Variants in GRIN2A observed in about 807,000 individuals in gnomAD.
GRIN2A encodes the protein glutamate ionotropic receptor NMDA type subunit 2A, also known as glutamate receptor ionotropic, NMDA 2A.
In GRIN2A, 22 loss-of-function variants were observed where a neutral mutation model predicts 113.4. The ratio of observed to expected loss-of-function variants is 0.19; its 90% confidence interval spans 0.14 to 0.28. The LOEUF is 0.28. Ranked by LOEUF, GRIN2A falls within the 10% of genes least tolerant of loss-of-function variation. The pLI, the probability that GRIN2A is intolerant of heterozygous loss-of-function variation, is 1.00. For synonymous variants in GRIN2A, 827 were observed against 738.4 expected, an observed-to-expected ratio of 1.12 and a Z score of -1.94; for missense variants, 1,502 against 1,887.0, an observed-to-expected ratio of 0.80 and a Z score of 3.78.
intron 2 of GRIN2A, among the ~76,000 whole-genome samples, chr16:9,944,233 T>C (rs2044961536): frequency 6.6e-6 from 1 of 152,250 alleles, no homozygotes; most frequent in Non-Finnish European, 1.5e-5. Flanking sequence ...TGATGTGCTT[T>C]CTGTTACTCT....
At chr16:9,934,694 A>AAT (rs2044671590) in intron 3 of GRIN2A, among the ~76,000 whole-genome samples, 2 of 150,580 alleles carry the variant, frequency 1.3e-5, no homozygotes, top group African/African-American at 4.9e-5. Context: ...AAAAAAAAAA[A>AAT]AAAAAAAAAA....
At chr16:9,982,850 C>G (rs1186268288) in intron 2 of GRIN2A, among the ~76,000 whole-genome samples, 1 of 152,156 alleles carries the variant, frequency 6.6e-6, no homozygotes, top group Non-Finnish European at 1.5e-5. Context: ...CCCACTTTCC[C>G]AGTGGTCTCC....
intron 2 of GRIN2A, among the ~76,000 whole-genome samples, chr16:10,054,144 G>C: frequency 6.6e-6 from 1 of 152,020 alleles, no homozygotes; most frequent in Middle Eastern, 3.2e-3. Context: ...CGTGGATAAA[G>C]CAGAAACCAA....
At chr16:10,146,803 A>G (rs1386340273) in intron 2 of GRIN2A, among the ~76,000 whole-genome samples, 1 of 151,870 alleles carries the variant, frequency 6.6e-6, no homozygotes, top group Non-Finnish European at 1.5e-5. Flanking sequence ...CCTCATGTCC[A>G]CTTGCTTTTG....
At chr16:10,094,308 A>C (rs1181999102) in intron 2 of GRIN2A, among the ~76,000 whole-genome samples, 1 of 152,074 alleles carries the variant, frequency 6.6e-6, no homozygotes, top group Non-Finnish European at 1.5e-5. Flanking sequence ...CAGTTCTGCC[A>C]CTCGCCTGCT....
intron 4 of GRIN2A, among the ~76,000 whole-genome samples, chr16:9,865,343 A>G (rs976932448): frequency 3.9e-5 from 6 of 152,166 alleles, no homozygotes; most frequent in Non-Finnish European, 7.4e-5. Flanking sequence ...CTCAGACAGT[A>G]ATCAACAATT....
chr16:9,820,041 A>G (rs2042252530), intron 10 of GRIN2A, among the ~76,000 whole-genome samples: 1 of 151,878 alleles, frequency 6.6e-6, no homozygotes. Context: ...TGAATCTGCC[A>G]TCTGCCCACG....
intron 11 of GRIN2A, among the ~76,000 whole-genome samples, chr16:9,785,182 A>G (rs1902161631): frequency 6.6e-6 from 1 of 152,122 alleles, no homozygotes; most frequent in South Asian, 2.1e-4. Flanking sequence ...AAGACTTGGA[A>G]CCAACCTAAA....
intron 2 of GRIN2A, among the ~76,000 whole-genome samples, chr16:10,012,035 A>T (rs2046515129): frequency 6.6e-6 from 1 of 152,174 alleles, no homozygotes. Flanking sequence ...TTAGGATCCC[A>T]GTCCAATCAG....
At chr16:10,168,995 A>ATAG (rs1276012570) in intron 2 of GRIN2A, among the ~76,000 whole-genome samples, 3 of 148,016 alleles carry the variant, frequency 2.0e-5, no homozygotes, top group Non-Finnish European at 4.5e-5. Flanking sequence ...AATAATAATA[A>ATAG]TAATAATAAT....
chr16:9,880,206 C>T (rs2043449265), intron 4 of GRIN2A, among the ~76,000 whole-genome samples: 1 of 152,132 alleles, frequency 6.6e-6, no homozygotes, highest in Non-Finnish European at 1.5e-5. Context: ...GCAAGCTCAC[C>T]TCCTTGGGGT....
chr16:9,966,840 G>C (rs887884474), intron 2 of GRIN2A, among the ~76,000 whole-genome samples: 2 of 152,196 alleles, frequency 1.3e-5, no homozygotes, highest in Non-Finnish European at 2.9e-5. Context: ...ATATGGGCCT[G>C]AGAATGTGCA....
chr16:9,878,713 G>A (rs1346766696), intron 4 of GRIN2A, among the ~76,000 whole-genome samples: 1 of 151,774 alleles, frequency 6.6e-6, no homozygotes, highest in African/African-American at 2.4e-5. Context: ...TTTGTTTTAA[G>A]TTCTGAAATC....
Position 9,756,925 on chromosome 16 carries a change from A to C in GRIN2A, c.*6224T>G, listed in dbSNP as rs79583385. The C allele has an allele frequency of 1.1e-5, 2 of 188,286 alleles. No individual in the cohort carries two copies. Among genetic ancestry groups the C allele is most frequent in the Non-Finnish European group, 2.2e-5 (2 of 89,292 alleles). The allele number at this position is 188,286 out of a possible 1,614,324, so 11.7% of individuals were successfully genotyped here. A position where few individuals can be genotyped will look rare whatever the true frequency, so the allele number is the denominator to read the frequency against. ...TCTAGGGAACCTGATGCTTTCTGTC[A>C]GCCACAGCAGTAGGCACTTGGAACT... On this transcript the variant is annotated 3_prime_UTR_variant, in exon 13 of 13. Coordinates refer to ENST00000330684, the MANE Select transcript of GRIN2A (RefSeq NM_001134407.3).
intron 3 of GRIN2A, among the ~76,000 whole-genome samples, chr16:9,930,179 A>G (rs1451608893): frequency 2.6e-5 from 4 of 152,150 alleles, no homozygotes; most frequent in African/African-American, 4.8e-5. Context: ...TCAGGCCTAG[A>G]TCAAGCTGTG....
At chr16:9,996,408 C>T (rs891651198) in intron 2 of GRIN2A, among the ~76,000 whole-genome samples, 8 of 152,166 alleles carry the variant, frequency 5.3e-5, no homozygotes, top group East Asian at 1.9e-4. Flanking sequence ...GACTCAGGCA[C>T]GCATGAAAAT....
intron 2 of GRIN2A, chr16:10,033,591 G>A (rs1486821576): frequency 2.0e-5 from 3 of 152,234 alleles, no homozygotes; most frequent in Non-Finnish European, 4.4e-5. Flanking sequence ...ATCTGTTCAT[G>A]GTGATGGTTA....
At chr16:10,051,142 T>A (rs974727589) in intron 2 of GRIN2A, among the ~76,000 whole-genome samples, 1 of 152,150 alleles carries the variant, frequency 6.6e-6, no homozygotes, top group Non-Finnish European at 1.5e-5. Context: ...AGGGAGTTGA[T>A]CAAACAATAA....
chr16:10,039,088 G>A (rs1368749274), intron 2 of GRIN2A, among the ~76,000 whole-genome samples: 1 of 152,012 alleles, frequency 6.6e-6, no homozygotes, highest in Non-Finnish European at 1.5e-5. Context: ...TGCCCCTGAC[G>A]CTAGCACAGT....
Sources: gnomAD v4.1 joint callset for allele counts (sites outside exome capture counted in the v4.1 genomes callset) on GRCh38, gnomAD v4.1.1 for gene constraint, MANE v1.5 for transcripts, NCBI Gene and HGNC (gene_info 2026-07-23, HGNC 2026-07-21) for gene names.